Variants in TRAPPC9 observed in about 807,000 individuals in gnomAD.
TRAPPC9 encodes the protein trafficking protein particle complex subunit 9.
TRAPPC9 carries 83 observed loss-of-function variants against 124.0 expected under a neutral mutation model. The observed-to-expected ratio is 0.67, with a 90% CI of 0.56 to 0.80. TRAPPC9 has a LOEUF of 0.80. TRAPPC9 is among the 30% of genes least tolerant of loss of function. TRAPPC9 has a pLI of 0.00. For missense variants in TRAPPC9, 1,302 were observed against 1,508.3 expected (o/e 0.86, Z 2.27); for synonymous variants, 638 against 617.5 (o/e 1.03, Z -0.49).
intron 2 of TRAPPC9, 54 bp downstream of exon 2, chr8:140,450,736 T>C: frequency 1.4e-6 from 2 of 1,398,902 alleles, no homozygotes; most frequent in South Asian, 2.4e-5. Flanking sequence ...TGCCCTGTGC[T>C]TTCCCTTTCT....
At chr8:140,183,155 T>A (rs2062245544) in intron 17 of TRAPPC9, among the ~76,000 whole-genome samples, 1 of 152,176 alleles carries the variant, frequency 6.6e-6, no homozygotes, top group South Asian at 2.1e-4. Context: ...CAAGAAACAT[T>A]TGCTGAGTCT....
At chr8:140,011,501 CTTTTTTT>C (rs916485762) in intron 18 of TRAPPC9, among the ~76,000 whole-genome samples, 15 of 114,634 alleles carry the variant, frequency 1.3e-4, no homozygotes, top group Non-Finnish European at 1.8e-4. Flanking sequence ...AGAAGGCATA[CTTTTTTT>C]TTTTTTTTTT....
chr8:140,298,767 T>A (rs1312840215), intron 11 of TRAPPC9, among the ~76,000 whole-genome samples: 1 of 152,256 alleles, frequency 6.6e-6, no homozygotes, highest in Non-Finnish European at 1.5e-5. Context: ...GGTTCTCCTG[T>A]GAGTTCTTGG....
chr8:140,043,719 G>A (rs1361614776), intron 17 of TRAPPC9, among the ~76,000 whole-genome samples: 1 of 152,226 alleles, frequency 6.6e-6, no homozygotes, highest in South Asian at 2.1e-4. Flanking sequence ...CCAAGAATGT[G>A]CATTTCTAAG....
chr8:140,367,882 A>T (rs1039901247), intron 8 of TRAPPC9, among the ~76,000 whole-genome samples: 4 of 152,156 alleles, frequency 2.6e-5, no homozygotes, highest in African/African-American at 9.7e-5. Context: ...TGGTCCATCT[A>T]AAGGTGTCAA....
At chr8:139,894,975 G>A (rs374732860) in intron 20 of TRAPPC9, among the ~76,000 whole-genome samples, 3 of 152,240 alleles carry the variant, frequency 2.0e-5, no homozygotes, top group Admixed American at 6.5e-5. Context: ...GACAAGGGCT[G>A]TGCCTGTTCC....
chr8:139,995,872 A>C (rs180919125), intron 18 of TRAPPC9, among the ~76,000 whole-genome samples: 3 of 150,854 alleles, frequency 2.0e-5, no homozygotes, highest in African/African-American at 7.3e-5. Context: ...AAAAAAAAAA[A>C]AAAAAAAAAA....
At chr8:140,375,777 C>T (rs973042256) in intron 7 of TRAPPC9, among the ~76,000 whole-genome samples, 3 of 152,212 alleles carry the variant, frequency 2.0e-5, no homozygotes, top group Non-Finnish European at 4.4e-5. Flanking sequence ...TGCCTTAACC[C>T]TCATCAGCCT....
chr8:139,968,759 G>A (rs1189329688), intron 19 of TRAPPC9, among the ~76,000 whole-genome samples: 11 of 152,174 alleles, frequency 7.2e-5, no homozygotes, highest in African/African-American at 2.7e-4. Flanking sequence ...TCCTCATCCC[G>A]GCCTAGCAAG....
At chr8:140,238,961 C>T (rs1397406656) in intron 16 of TRAPPC9, among the ~76,000 whole-genome samples, 1 of 152,174 alleles carries the variant, frequency 6.6e-6, no homozygotes, top group African/African-American at 2.4e-5. Context: ...CTGCCCAAGG[C>T]TAGGGTGGGC....
chr8:140,212,143 T>C (rs2063076296), intron 17 of TRAPPC9, among the ~76,000 whole-genome samples: 1 of 152,176 alleles, frequency 6.6e-6, no homozygotes, highest in Non-Finnish European at 1.5e-5. Flanking sequence ...ACACGCCTCA[T>C]CCAGCCAGGT....
Position 140,287,621 on chromosome 8 carries a change from C to A in TRAPPC9, c.1968G>T (p.Thr656=). ...GACTCTCCTTACCGTTCACAGTAAT[C>A]GTTCCAGTCGTCTGCGGGACCCCGA... ...TLVGVPQTTG[T]ITVNGYHTTV... is the part of the protein sequence containing the mutation. Residue 656 remains threonine, a synonymous_variant, in exon 13 of 23, where the codon ACG becomes ACT. Transcript: ENST00000438773. 1 of 1,614,180 alleles carries A rather than the reference C, an allele frequency of 6.2e-7. No individual in the cohort carries two copies. The highest frequency in any genetic ancestry group is 8.5e-7 in the Non-Finnish European group (1 of 1,180,036).
rs1366552719 is a variant in TRAPPC9, at chr8:139,825,510, C to T, written c.3055+60369G>A. 6.6e-6 allele frequency among the ~76,000 whole-genome samples: 1 copy of T among 152,200 alleles called. No homozygotes were observed. Among genetic ancestry groups the T allele is most frequent in the Admixed American group, 6.5e-5 (1 of 15,284 alleles). ...ATGGGTCCCATGCCCAACCTCAGAC[C>T]TCAGGATCTGAATCTCCACTCAGAG... On this transcript the variant is annotated intron_variant, in intron 21 of 22. Transcript: ENST00000438773. The surrounding 1 kb of genome is among the most constrained non-coding windows in gnomAD (Gnocchi z 4.6).
chr8:139,782,474 A>G (rs1821902234), intron 21 of TRAPPC9, among the ~76,000 whole-genome samples: 1 of 152,252 alleles, frequency 6.6e-6, no homozygotes, highest in Non-Finnish European at 1.5e-5. Flanking sequence ...AAAGTTATAA[A>G]TGCCATTTCA....
At chr8:140,122,313 T>G (rs2061004314) in intron 17 of TRAPPC9, among the ~76,000 whole-genome samples, 1 of 152,202 alleles carries the variant, frequency 6.6e-6, no homozygotes, top group African/African-American at 2.4e-5. Flanking sequence ...ACACCTTGAC[T>G]TCAGCCTTGT....
In TRAPPC9 at chr8:140,221,586, A is replaced by G. The variant is rs369508720; in HGVS notation, c.2432-3T>C. The G allele has an allele frequency of 2.7e-5, 43 of 1,613,466 alleles. No homozygotes were observed. Among genetic ancestry groups the G allele is most frequent in the Middle Eastern group, 1.6e-4 (1 of 6,084 alleles). On this transcript the variant is annotated splice_polypyrimidine_tract_variant and splice_region_variant and intron_variant, in intron 16 of 22. Transcript: ENST00000438773. ...AAAGCCACTCACACTGATTCCATCT[A>G]CAAAATAAGAACAAAAATCATAAGT...
intron 18 of TRAPPC9, among the ~76,000 whole-genome samples, chr8:139,990,332 C>T (rs1837547041): frequency 6.6e-6 from 1 of 152,168 alleles, no homozygotes; most frequent in South Asian, 2.1e-4. Context: ...AAACCCTCGG[C>T]TTTTCCCAAT....
intron 16 of TRAPPC9, among the ~76,000 whole-genome samples, chr8:140,233,330 G>A (rs1444952991): frequency 2.0e-5 from 3 of 151,812 alleles, no homozygotes; most frequent in East Asian, 3.9e-4. Context: ...TCAGCCTCCC[G>A]AGTAGCTGGG....
chr8:140,126,286 G>A (rs552759712), intron 17 of TRAPPC9, among the ~76,000 whole-genome samples: 2 of 152,002 alleles, frequency 1.3e-5, no homozygotes, highest in East Asian at 1.9e-4. Flanking sequence ...GAGGAGACAC[G>A]GTGGGCCCCA....
Sources: gnomAD v4.1 joint callset for allele counts (sites outside exome capture counted in the v4.1 genomes callset) on GRCh38, gnomAD v4.1.1 for gene constraint, Gnocchi (gnomAD v3.1) non-coding constraint, MANE v1.5 for transcripts, NCBI Gene and HGNC (gene_info 2026-07-23, HGNC 2026-07-21) for gene names.